Variants in NALCN observed in about 807,000 individuals in gnomAD.
NALCN encodes sodium leak channel NALCN.
NALCN carries 111 observed loss-of-function variants against 225.3 expected under a neutral mutation model. The observed-to-expected ratio is 0.49, with a 90% CI of 0.42 to 0.58. The LOEUF is 0.58. Among genes scored for constraint, NALCN ranks in the 20% least tolerant of loss-of-function variants. The probability of loss-of-function intolerance (pLI) is 0.00; values close to 1 mark genes in which losing one functional copy is unlikely to be tolerated. For synonymous variants in NALCN, 764 were observed against 769.0 expected (o/e 0.99, Z 0.11); for missense variants, 1,378 against 2,202.4 (o/e 0.63, Z 7.49).
intron 9 of NALCN, among the ~76,000 whole-genome samples, chr13:101,285,117 C>T (rs1259125422): frequency 1.3e-5 from 2 of 152,034 alleles, no homozygotes; most frequent in African/African-American, 4.8e-5. Flanking sequence ...GGGGTAACTG[C>T]TGATGGAAAT....
intron 7 of NALCN, among the ~76,000 whole-genome samples, chr13:101,318,244 T>C (rs2044624434): frequency 6.6e-6 from 1 of 152,062 alleles, no homozygotes; most frequent in South Asian, 2.1e-4. Context: ...CCCACCAAGG[T>C]TGAGCCAGGT....
intron 13 of NALCN, among the ~76,000 whole-genome samples, chr13:101,226,453 T>G (rs2041145195): frequency 6.6e-6 from 1 of 152,206 alleles, no homozygotes; most frequent in Admixed American, 6.5e-5. Flanking sequence ...TTGAGCTGCT[T>G]TTTGTGTTTC....
chr13:101,083,667 C>T, intron 31 of NALCN, 44 bp downstream of exon 31: 1 of 1,576,868 alleles, frequency 6.3e-7, no homozygotes, highest in Admixed American at 1.7e-5. Flanking sequence ...GGGAATCGTG[C>T]ACACTAGTGC....
chr13:101,300,771 A>C (rs1470345902), intron 7 of NALCN, among the ~76,000 whole-genome samples: 1 of 152,270 alleles, frequency 6.6e-6, no homozygotes, highest in Non-Finnish European at 1.5e-5. Flanking sequence ...GCAATAAAAC[A>C]AAATAAAGCA....
chr13:101,054,048 C>T lies in NALCN; in HGVS notation c.*1247G>A, dbSNP rs2030897587. On this transcript the variant is annotated 3_prime_UTR_variant, in exon 44 of 44. Coordinates refer to ENST00000251127, the MANE Select transcript of NALCN (RefSeq NM_052867.4). ...GTCACAGGATTCTGAGATAATCCCT[C>T]TGTTAAAAAACATCTGAACAGCAAA... 1 of 152,186 alleles carries T rather than the reference C, an allele frequency of 6.6e-6. No homozygotes were observed. Among genetic ancestry groups the T allele is most frequent in the African/African-American group, 2.4e-5 (1 of 41,452 alleles). 9.4% of individuals were successfully genotyped at this position (152,186 alleles called of 1,614,324 possible).
chr13:101,244,842 G>A (rs988056028), intron 11 of NALCN, among the ~76,000 whole-genome samples: 1 of 152,164 alleles, frequency 6.6e-6, no homozygotes, highest in East Asian at 1.9e-4. Flanking sequence ...AGCAGTGGAG[G>A]CAAGCTCTAG....
intron 11 of NALCN, among the ~76,000 whole-genome samples, chr13:101,246,126 C>T (rs938213504): frequency 6.6e-6 from 1 of 152,094 alleles, no homozygotes; most frequent in Non-Finnish European, 1.5e-5. Context: ...TGCGTTTTGT[C>T]CAGTTCTTTA....
intron 1 of NALCN, among the ~76,000 whole-genome samples, chr13:101,400,806 A>G (rs2047455450): frequency 1.3e-5 from 2 of 151,808 alleles, no homozygotes; most frequent in South Asian, 4.2e-4. Flanking sequence ...TATAATCCCC[A>G]CAATCCCCAC....
intron 14 of NALCN, among the ~76,000 whole-genome samples, chr13:101,178,574 C>G (rs185078099): frequency 6.6e-6 from 1 of 152,154 alleles, no homozygotes; most frequent in Non-Finnish European, 1.5e-5. Context: ...CAAGAGCCTC[C>G]GTCTCCCCTT....
intron 7 of NALCN, among the ~76,000 whole-genome samples, chr13:101,334,120 G>C (rs2045280730): frequency 6.6e-6 from 1 of 152,066 alleles, no homozygotes; most frequent in South Asian, 2.1e-4. Flanking sequence ...TCCCACCTGA[G>C]ACAACTGGGT....
rs1169328013 is a variant in NALCN, at chr13:101,107,587, T to C, written c.2479A>G (p.Arg827Gly). The C allele has an allele frequency of 6.2e-7, 1 of 1,614,132 alleles. No homozygotes were observed. The highest frequency in any genetic ancestry group is 1.7e-5 in the Admixed American group (1 of 60,020). The change falls in exon 22 of 44, where the codon AGA becomes GGA. Residue 827 changes from arginine (R) to glycine (G), a missense_variant. Coordinates refer to ENST00000251127, the MANE Select transcript of NALCN (RefSeq NM_052867.4). ...TTATCGAAGTATGGGTGGTTCTCTCTGAGTTCCTCTTCTTGCACTTTCCTT... is the reference window on the plus strand; with the variant it reads ...TTATCGAAGTATGGGTGGTTCTCTCCGAGTTCCTCTTCTTGCACTTTCCTT... ...MKRKVQEEELRENHPYFDKPL... is the reference protein window; with the variant it reads ...MKRKVQEEELGENHPYFDKPL...
intron 28 of NALCN, among the ~76,000 whole-genome samples, chr13:101,093,890 C>T (rs1485537809): frequency 1.3e-5 from 2 of 152,178 alleles, no homozygotes; most frequent in African/African-American, 2.4e-5. Flanking sequence ...ACTTTCTTCA[C>T]TTCCACTCAT....
intron 34 of NALCN, among the ~76,000 whole-genome samples, chr13:101,077,380 G>A (rs1566788426): frequency 1.3e-5 from 2 of 152,208 alleles, no homozygotes. Flanking sequence ...CTCAGAAGAA[G>A]ACAGGAAGAT....
chr13:101,101,351 G>A (rs2034812502), intron 26 of NALCN, among the ~76,000 whole-genome samples: 1 of 135,576 alleles, frequency 7.4e-6, no homozygotes, highest in African/African-American at 2.8e-5. Flanking sequence ...TGCAATCTCA[G>A]CTCACTGCAA....
At chr13:101,261,879 A>G (rs1056808377) in intron 10 of NALCN, among the ~76,000 whole-genome samples, 3 of 152,164 alleles carry the variant, frequency 2.0e-5, no homozygotes, top group Non-Finnish European at 2.9e-5. Flanking sequence ...TTCCAGTACT[A>G]TGTTGAATAA....
Position 101,237,902 on chromosome 13 carries a change from A to G in NALCN, c.1287T>C (p.Phe429=), listed in dbSNP as rs896620696. ...YLAEVAFTVL[F]DLEALLKIWC... ...ATATCTTCAGAAGTGCTTCCAAATC[A>G]AAAAGTACTGTAAAAGCCACCTAGA... Residue 429 remains phenylalanine (F), a synonymous_variant, in exon 12 of 44, where the codon TTT becomes TTC. Transcript: ENST00000251127. The G allele has an allele frequency of 6.2e-7, 1 of 1,606,094 alleles. No homozygotes were observed. The highest frequency in any genetic ancestry group is 1.3e-5 in the African/African-American group (1 of 74,612).
At chr13:101,233,641 GGAA>G (rs1390414304) in intron 12 of NALCN, among the ~76,000 whole-genome samples, 1 of 152,006 alleles carries the variant, frequency 6.6e-6, no homozygotes, top group African/African-American at 2.4e-5. Flanking sequence ...CGCCCAGCCG[GGAA>G]GAAGATTTAG....
intron 12 of NALCN, among the ~76,000 whole-genome samples, chr13:101,234,839 TCTATCTATCTATCATCTAC>T (rs57121382): frequency 0.21 from 30,444 of 143,894 alleles, 3,084 homozygotes; most frequent in East Asian, 0.36. Context: ...CTATCTACTA[TCTATCTATCTATCATCTAC>T]CTATCTATCT....
intron 10 of NALCN, among the ~76,000 whole-genome samples, chr13:101,282,252 C>T (rs924328490): frequency 5.3e-5 from 8 of 152,010 alleles, no homozygotes; most frequent in Non-Finnish European, 1.0e-4. Context: ...CAGGGAACAA[C>T]CTAAGTGTCT....
Sources: gnomAD v4.1 joint callset for allele counts (sites outside exome capture counted in the v4.1 genomes callset) on GRCh38, gnomAD v4.1.1 for gene constraint, MANE v1.5 for transcripts, NCBI Gene and HGNC (gene_info 2026-07-23, HGNC 2026-07-21) for gene names.